The following SUMF1 variants were observed in gnomAD, a reference collection of about 807,000 sequenced individuals.
SUMF1 encodes formylglycine-generating enzyme.
In SUMF1, 48 loss-of-function variants were observed where a neutral mutation model predicts 47.6. The observed-to-expected ratio is 1.01, with a 90% confidence interval of 0.80 to 1.28. SUMF1 has a LOEUF of 1.28. Among genes scored for constraint, SUMF1 ranks in the 50% most tolerant of loss-of-function variants. The probability of loss-of-function intolerance (pLI) is 0.00; values close to 1 mark genes in which losing one functional copy is unlikely to be tolerated. For synonymous variants in SUMF1, 230 were observed against 192.1 expected, an observed-to-expected ratio of 1.20 and a Z score of -1.63; for missense variants, 571 against 485.4, an observed-to-expected ratio of 1.18 and a Z score of -1.66.
chr3:4,176,187 A>C (rs919421786), intron 8 of SUMF1, among the ~76,000 whole-genome samples: 1 of 152,156 alleles, frequency 6.6e-6, no homozygotes, highest in Admixed American at 6.5e-5. Context: ...AATACAGAGA[A>C]CACCACAAAG....
chr3:4,405,240 T>C (rs1701338610), intron 7 of SUMF1, among the ~76,000 whole-genome samples: 1 of 152,200 alleles, frequency 6.6e-6, no homozygotes, highest in Admixed American at 6.5e-5. Flanking sequence ...TACATGCTAA[T>C]CTCTGGCCAG....
chr3:4,165,807 G>A (rs1694687054), intron 8 of SUMF1, among the ~76,000 whole-genome samples: 2 of 128,114 alleles, frequency 1.6e-5, no homozygotes, highest in Non-Finnish European at 3.4e-5. Flanking sequence ...ACCTGTTGAT[G>A]CCTGAGTGTT....
At chr3:4,300,662 A>G (rs1480226666) in intron 8 of SUMF1, among the ~76,000 whole-genome samples, 1 of 152,248 alleles carries the variant, frequency 6.6e-6, no homozygotes, top group African/African-American at 2.4e-5. Context: ...AACATTCTGT[A>G]AAGACTTGGA....
intron 8 of SUMF1, among the ~76,000 whole-genome samples, chr3:4,081,344 G>C (rs988360750): frequency 6.6e-6 from 1 of 151,826 alleles, no homozygotes; most frequent in Non-Finnish European, 1.5e-5. Flanking sequence ...TTCACTGCCT[G>C]CTTCTACTCA....
intron 9 of SUMF1, among the ~76,000 whole-genome samples, chr3:4,064,963 G>C (rs1271978679): frequency 1.3e-5 from 2 of 152,138 alleles, no homozygotes; most frequent in Non-Finnish European, 2.9e-5. Flanking sequence ...AAGCACAGAG[G>C]AAGAAACACT....
chr3:4,255,192 A>G (rs1284865650), intron 8 of SUMF1, among the ~76,000 whole-genome samples: 2 of 141,534 alleles, frequency 1.4e-5, no homozygotes, highest in Non-Finnish European at 3.1e-5. Context: ...GAGACTAGGA[A>G]GAAACTGCAT....
chr3:4,246,017 T>C (rs1696659590), intron 8 of SUMF1, among the ~76,000 whole-genome samples: 1 of 152,216 alleles, frequency 6.6e-6, no homozygotes, highest in Non-Finnish European at 1.5e-5. Flanking sequence ...AATCTCAGAC[T>C]GCTGCACTAG....
chr3:4,451,670 G>T (rs890193986), intron 2 of SUMF1, among the ~76,000 whole-genome samples: 1 of 152,142 alleles, frequency 6.6e-6, no homozygotes, highest in African/African-American at 2.4e-5. Context: ...TGCTTATTAC[G>T]AATGTGTACA....
intron 8 of SUMF1, among the ~76,000 whole-genome samples, chr3:4,099,614 G>A (rs1304521795): frequency 6.6e-6 from 1 of 152,064 alleles, no homozygotes; most frequent in Non-Finnish European, 1.5e-5. Context: ...TAGCCAGAGT[G>A]ATTAGGCAAG....
At chr3:4,443,966 G>T (rs990330304) in intron 3 of SUMF1, among the ~76,000 whole-genome samples, 1 of 151,966 alleles carries the variant, frequency 6.6e-6, no homozygotes, top group Non-Finnish European at 1.5e-5. Flanking sequence ...GATATTGAAA[G>T]CTTCTACCCC....
At chr3:4,407,113 C>T (rs914289412) in intron 7 of SUMF1, among the ~76,000 whole-genome samples, 25 of 148,854 alleles carry the variant, frequency 1.7e-4, no homozygotes, top group Non-Finnish European at 3.1e-4. Flanking sequence ...CACACACACA[C>T]GTTAACACCA....
chr3:4,292,320 C>T (rs549958053), intron 8 of SUMF1, among the ~76,000 whole-genome samples: 2 of 152,276 alleles, frequency 1.3e-5, no homozygotes, highest in African/African-American at 2.4e-5. Context: ...AAACGCAAGG[C>T]GTTTTGTTTA....
chr3:4,370,231 G>A (rs1435762280), intron 8 of SUMF1, among the ~76,000 whole-genome samples: 1 of 152,194 alleles, frequency 6.6e-6, no homozygotes, highest in African/African-American at 2.4e-5. Flanking sequence ...CAAGAGTAAT[G>A]ACTGGCACAA....
At chr3:4,198,140 G>A (rs1225672548) in intron 8 of SUMF1, among the ~76,000 whole-genome samples, 1 of 151,660 alleles carries the variant, frequency 6.6e-6, no homozygotes, top group Non-Finnish European at 1.5e-5. Context: ...TACCTAAGAG[G>A]TATGTTTCTC....
intron 8 of SUMF1, among the ~76,000 whole-genome samples, chr3:4,372,204 G>A (rs1486800727): frequency 6.6e-6 from 1 of 152,132 alleles, no homozygotes; most frequent in African/African-American, 2.4e-5. Flanking sequence ...AGGAAGCTGA[G>A]GCAGGAGAAA....
chr3:4,330,063 C>G (rs916995162), intron 8 of SUMF1, among the ~76,000 whole-genome samples: 1 of 152,190 alleles, frequency 6.6e-6, no homozygotes, highest in African/African-American at 2.4e-5. Context: ...CAGTTCCCAA[C>G]AAGTTCCTCA....
chr3:4,082,468 G>A (rs1012735929), intron 8 of SUMF1, among the ~76,000 whole-genome samples: 23 of 151,690 alleles, frequency 1.5e-4, no homozygotes, highest in African/African-American at 5.6e-4. Flanking sequence ...GACCCACCCT[G>A]TTTCAAAAAT....
intron 8 of SUMF1, among the ~76,000 whole-genome samples, chr3:4,259,355 T>G (rs1032748768): frequency 6.6e-6 from 1 of 152,202 alleles, no homozygotes; most frequent in African/African-American, 2.4e-5. Flanking sequence ...TTAGCTTACA[T>G]TAATATTACC....
At chr3:4,308,782 A>G (rs1206989960) in intron 8 of SUMF1, among the ~76,000 whole-genome samples, 2 of 152,140 alleles carry the variant, frequency 1.3e-5, no homozygotes, top group Non-Finnish European at 2.9e-5. Flanking sequence ...CTAACCTCCT[A>G]ATTGAAGACA....
Sources: allele counts gnomAD v4.1 joint callset (sites outside exome capture counted in the v4.1 genomes callset), GRCh38; gene constraint gnomAD v4.1.1; transcripts MANE v1.5; gene names NCBI Gene and HGNC (gene_info 2026-07-23, HGNC 2026-07-21).